Variants in CREBBP observed in about 807,000 individuals in gnomAD.
The protein encoded by CREBBP is CREB-binding protein.
In CREBBP, 19 loss-of-function variants were observed where a neutral mutation model predicts 265.0. The observed-to-expected ratio is 0.07, with a 90% confidence interval of 0.05 to 0.11. CREBBP has a LOEUF of 0.11. CREBBP is among the 10% of genes least tolerant of loss of function. The pLI is 1.00. For synonymous variants in CREBBP, 1,457 were observed against 1,223.7 expected (o/e 1.19, Z -3.98); for missense variants, 2,525 against 3,219.0 (o/e 0.78, Z 5.22).
intron 10 of CREBBP, 153 bp from the exon 11 acceptor site, chr16:3,777,810 C>A: frequency 9.1e-7 from 1 of 1,094,166 alleles, no homozygotes. Flanking sequence ...TGCCAGCGCA[C>A]CCTGTAAAGG....
In CREBBP at chr16:3,810,768, A is replaced by G. The variant is rs769039884; in HGVS notation, c.810T>C (p.Thr270=). 3.7e-5 allele frequency: 59 copies of G among 1,613,670 alleles called. No homozygotes were observed. The highest frequency in any genetic ancestry group is 4.7e-5 in the Non-Finnish European group (55 of 1,180,016). The change falls in exon 3 of 31, where the codon ACT becomes ACC. Residue 270 remains threonine (T), a synonymous_variant. Transcript: ENST00000262367. ...QAGGMAKMGI[T]GNTSPFGQPF... Reference sequence around the variant, plus strand: ...GCTGTCCAAATGGACTTGTGTTCCCAGTTATTCCCATCTGAAACAAAAAAG... The same window carrying G: ...GCTGTCCAAATGGACTTGTGTTCCCGGTTATTCCCATCTGAAACAAAAAAG...
chr16:3,745,149 A>T (rs1567277046), intron 22 of CREBBP, 128 bp downstream of exon 22: 4 of 1,005,822 alleles, frequency 4.0e-6, no homozygotes, highest in Non-Finnish European at 6.1e-6. Flanking sequence ...TAAATTTAGA[A>T]CCAACTGCCA....
intron 2 of CREBBP, among the ~76,000 whole-genome samples, chr16:3,820,269 C>T (rs559622377): frequency 6.6e-6 from 1 of 152,340 alleles, no homozygotes; most frequent in African/African-American, 2.4e-5. Flanking sequence ...TGCTATCACT[C>T]GCTTGCTCTT....
chr16:3,837,562 G>A (rs953338365), intron 2 of CREBBP, among the ~76,000 whole-genome samples: 1 of 151,766 alleles, frequency 6.6e-6, no homozygotes, highest in Admixed American at 6.6e-5. Context: ...GTTGCAGTGA[G>A]CAGAGATTGC....
At chr16:3,764,028 A>T (rs1348505315) in intron 16 of CREBBP, among the ~76,000 whole-genome samples, 1 of 152,100 alleles carries the variant, frequency 6.6e-6, no homozygotes, top group Non-Finnish European at 1.5e-5. Flanking sequence ...AAAACAAAGG[A>T]AAAGAAAGCC....
At chr16:3,856,277 C>T (rs980866213) in intron 1 of CREBBP, among the ~76,000 whole-genome samples, 1 of 152,144 alleles carries the variant, frequency 6.6e-6, no homozygotes, top group Non-Finnish European at 1.5e-5. Context: ...GTGTGCCCCA[C>T]CACAAACAGC....
chr16:3,766,642 C>T (rs925279123), intron 16 of CREBBP, among the ~76,000 whole-genome samples: 1 of 152,080 alleles, frequency 6.6e-6, no homozygotes, highest in African/African-American at 2.4e-5. Flanking sequence ...CCTGCCGCTT[C>T]CGCTTCTCGA....
chr16:3,843,052 A>G (rs2141456900), intron 2 of CREBBP, among the ~76,000 whole-genome samples: 1 of 151,632 alleles, frequency 6.6e-6, no homozygotes, highest in African/African-American at 2.4e-5. Context: ...AACTGCACAC[A>G]TTTTTGCACA....
chr16:3,874,141 C>T (rs1303231577), intron 1 of CREBBP, among the ~76,000 whole-genome samples: 1 of 152,162 alleles, frequency 6.6e-6, no homozygotes, highest in Non-Finnish European at 1.5e-5. Context: ...AAAATGCAAC[C>T]GGTCACCAGG....
At chr16:3,823,088 C>T (rs1258129264) in intron 2 of CREBBP, among the ~76,000 whole-genome samples, 1 of 152,206 alleles carries the variant, frequency 6.6e-6, no homozygotes, top group Non-Finnish European at 1.5e-5. Context: ...CACACCTATA[C>T]ACAGCAAGGA....
chr16:3,850,251 G>C, intron 2 of CREBBP, 46 bp downstream of exon 2: 1 of 1,602,932 alleles, frequency 6.2e-7, no homozygotes, highest in Non-Finnish European at 8.5e-7. Context: ...CGGAGGGAAA[G>C]CCCGCGGTTA....
intron 2 of CREBBP, among the ~76,000 whole-genome samples, chr16:3,834,192 T>C (rs1350331049): frequency 6.6e-6 from 1 of 152,220 alleles, no homozygotes; most frequent in African/African-American, 2.4e-5. Context: ...ATAGACACTT[T>C]GGAAGACATT....
At chr16:3,758,817 C>T (rs748865861) in intron 17 of CREBBP, 37 bp downstream of exon 17, 5 of 1,486,782 alleles carry the variant, frequency 3.4e-6, no homozygotes, top group Non-Finnish European at 4.7e-6. Context: ...GAAGTCACAC[C>T]AGCAAAGTTA....
chr16:3,725,227 T>A lies in CREBBP; in HGVS notation c.*2491A>T. ...AAATTTCCTTACGACAAACTTAGGG[T>A]TAGCATCCACAGACCATGCTCTCGG... On this transcript the variant is annotated 3_prime_UTR_variant, in exon 31 of 31. Transcript: ENST00000262367. 1 of 233,560 alleles carries A rather than the reference T, an allele frequency of 4.3e-6. No homozygotes were observed. The highest frequency in any genetic ancestry group is 6.0e-5 in the East Asian group (1 of 16,584). The allele number at this position is 233,560 out of a possible 1,614,324, so 14.5% of individuals were successfully genotyped here.
At position 3,731,692 on chromosome 16, in the gene CREBBP, G is replaced by A. The variant is rs2151318307; in HGVS notation, c.4890+84C>T. On this transcript the variant is annotated intron_variant, in intron 29 of 30. Transcript: ENST00000262367. The surrounding 1 kb of genome is among the most constrained non-coding windows in gnomAD (Gnocchi z 7.7). The stretch of plus-strand genomic sequence containing the variant: ...GCCACTTCCCTCCCACCACAGACCT[G>A]CACACGGGCCCACGCCCGCCAGCTG... 4 of 1,585,582 alleles carry A rather than the reference G, an allele frequency of 2.5e-6. No homozygotes were observed. The highest frequency in any genetic ancestry group is 3.5e-6 in the Non-Finnish European group (4 of 1,156,212).
At chr16:3,768,982 C>T (rs923484734) in intron 15 of CREBBP, among the ~76,000 whole-genome samples, 192 bp downstream of exon 15, 2 of 152,044 alleles carry the variant, frequency 1.3e-5, no homozygotes. Flanking sequence ...AATAAACCCA[C>T]CCCTCATATT....
chr16:3,771,321 G>C (rs1365069676), intron 13 of CREBBP, among the ~76,000 whole-genome samples: 1 of 151,864 alleles, frequency 6.6e-6, no homozygotes, highest in Non-Finnish European at 1.5e-5. Flanking sequence ...CTCCCGCCTC[G>C]GCCTTCCAAA....
chr16:3,783,813 T>C (rs1401922644), intron 5 of CREBBP, among the ~76,000 whole-genome samples: 1 of 152,174 alleles, frequency 6.6e-6, no homozygotes, highest in African/African-American at 2.4e-5. Flanking sequence ...AAGGAAAAAC[T>C]GGTGTCAACA....
rs375829291 is a variant in CREBBP, at chr16:3,731,420, G to T, written c.4944C>A (p.Pro1648=). 3.4e-5 allele frequency: 55 copies of T among 1,604,088 alleles called. 1 individual carries two copies. The highest frequency in any genetic ancestry group is 4.3e-5 in the Non-Finnish European group (50 of 1,176,088). The change falls in exon 30 of 31, where the codon CCC becomes CCA. Residue 1648 remains proline, a synonymous_variant. Coordinates refer to ENST00000262367, the MANE Select transcript of CREBBP (RefSeq NM_004380.3). This position sits in a 1 kb window ranked among gnomAD's most constrained non-coding sequence, Gnocchi z 7.7. ...HAGPVINTLP[P]IVDPDPLLSC... is the part of the protein sequence containing the mutation. The stretch of plus-strand genomic sequence containing the variant: ...TGAGCAGGGGGTCGGGGTCGACGAT[G>T]GGGGGCAGGGTGTTGATGACAGGCC...
Sources: allele counts gnomAD v4.1 joint callset (sites outside exome capture counted in the v4.1 genomes callset), GRCh38; gene constraint gnomAD v4.1.1; non-coding constraint Gnocchi (gnomAD v3.1); transcripts MANE v1.5; gene names NCBI Gene and HGNC (gene_info 2026-07-23, HGNC 2026-07-21).